ZFYVE9: variants seen among roughly 807,000 people sequenced by gnomAD.
ZFYVE9 encodes the protein zinc finger FYVE-type containing 9.
A neutral mutation model predicts 126.7 loss-of-function variants in ZFYVE9; 43 were observed. The ratio of observed to expected loss-of-function variants is 0.34; its 90% confidence interval spans 0.27 to 0.44. ZFYVE9 has a LOEUF of 0.44. ZFYVE9 is among the 20% of genes least tolerant of loss of function. The probability of loss-of-function intolerance (pLI) is 1.00; values close to 1 mark genes in which losing one functional copy is unlikely to be tolerated. For missense variants in ZFYVE9, 1,476 were observed against 1,697.0 expected (o/e 0.87, Z 2.29); for synonymous variants, 521 against 597.4 (o/e 0.87, Z 1.87).
chr1:52,239,771 A>G (rs1271376918), intron 4 of ZFYVE9, among the ~76,000 whole-genome samples, 176 bp downstream of exon 4: 3 of 152,184 alleles, frequency 2.0e-5, no homozygotes, highest in African/African-American at 7.2e-5. Flanking sequence ...TGATTCTTAG[A>G]TAGTATTTGT....
chr1:52,163,845 A>G (rs1644485153), intron 1 of ZFYVE9, among the ~76,000 whole-genome samples: 1 of 152,202 alleles, frequency 6.6e-6, no homozygotes, highest in Non-Finnish European at 1.5e-5. Context: ...CGATAAGACC[A>G]AGAATCAAGC....
At chr1:52,264,868 C>G (rs1645617299) in intron 5 of ZFYVE9, among the ~76,000 whole-genome samples, 1 of 152,192 alleles carries the variant, frequency 6.6e-6, no homozygotes, top group South Asian at 2.1e-4. Flanking sequence ...ACAATTTTGA[C>G]CAAATATGAA....
At chr1:52,153,978 A>G (rs1644379107) in intron 1 of ZFYVE9, among the ~76,000 whole-genome samples, 1 of 152,186 alleles carries the variant, frequency 6.6e-6, no homozygotes, top group African/African-American at 2.4e-5. Flanking sequence ...GAGCTAGTAC[A>G]TTAGCTGTGC....
intron 4 of ZFYVE9, among the ~76,000 whole-genome samples, chr1:52,251,327 G>A (rs917131520): frequency 2.6e-5 from 4 of 152,040 alleles, no homozygotes; most frequent in Admixed American, 2.6e-4. Context: ...TTGGCTCTGG[G>A]TTTTTAATAT....
In ZFYVE9 at chr1:52,293,438, C is replaced by CTT. The variant is rs1246136778; in HGVS notation, c.3026-10_3026-9dup. On this transcript the variant is annotated splice_polypyrimidine_tract_variant and intron_variant, in intron 10 of 18. Coordinates refer to ENST00000287727, the MANE Select transcript of ZFYVE9 (RefSeq NM_004799.4). ...TTATTGATACAAAGTAGCTAATAAA[C>CTT]TTTTTTGTTTTTAGGGAATGTGGTG... is the stretch of plus-strand genomic sequence containing the variant. 1 of 1,131,266 alleles carries CTT rather than the reference C, an allele frequency of 8.8e-7. No individual in the cohort carries two copies. The highest frequency in any genetic ancestry group is 1.4e-5 in the South Asian group (1 of 72,038). The allele number at this position is 1,131,266 out of a possible 1,614,324, so 70.1% of individuals were successfully genotyped here. A position where few individuals can be genotyped will look rare whatever the true frequency, so the allele number is the denominator to read the frequency against.
intron 4 of ZFYVE9, among the ~76,000 whole-genome samples, chr1:52,263,438 A>C (rs980105203): frequency 6.6e-6 from 1 of 152,152 alleles, no homozygotes; most frequent in Non-Finnish European, 1.5e-5. Context: ...ACATGTAACT[A>C]TCTTTCAACA....
At chr1:52,202,359 A>C (rs1322233371) in intron 1 of ZFYVE9, among the ~76,000 whole-genome samples, 1 of 151,766 alleles carries the variant, frequency 6.6e-6, no homozygotes, top group Non-Finnish European at 1.5e-5. Context: ...GGTTAACCTC[A>C]ACCTCCACCT....
At chr1:52,273,008 TTTTAAC>T (rs1471510047) in intron 7 of ZFYVE9, among the ~76,000 whole-genome samples, 1 of 151,724 alleles carries the variant, frequency 6.6e-6, no homozygotes, top group Non-Finnish European at 1.5e-5. Context: ...ACTGTTTTTC[TTTTAAC>T]TTTTTGTTTT....
chr1:52,175,344 C>G (rs914684289), intron 1 of ZFYVE9, among the ~76,000 whole-genome samples: 5 of 151,448 alleles, frequency 3.3e-5, no homozygotes, highest in African/African-American at 7.3e-5. Flanking sequence ...CTACTCTCTT[C>G]TGGCTCGTAG....
intron 1 of ZFYVE9, chr1:52,160,189 G>T (rs886435654): frequency 2.5e-5 from 17 of 671,880 alleles, no homozygotes; most frequent in Non-Finnish European, 4.4e-5. Context: ...TGAGGTTGGA[G>T]GCGCTTCTCC....
chr1:52,147,950 CTT>C (rs895498156), intron 1 of ZFYVE9, among the ~76,000 whole-genome samples: 2 of 147,442 alleles, frequency 1.4e-5, no homozygotes, highest in Admixed American at 6.8e-5. Flanking sequence ...CGGTTCATAA[CTT>C]TTTTTTTTTC....
chr1:52,238,630 A>G lies in ZFYVE9; in HGVS notation c.1213A>G (p.Thr405Ala). ...TCAGGACATGACTAATTGGAAGTTG[A>G]CTAAACTAAATGAGATGAATGATAG... Reference protein sequence around the residue: ...ESQDMTNWKLTKLNEMNDSQV... With the variant: ...ESQDMTNWKLAKLNEMNDSQV... The change falls in exon 4 of 19, where the codon ACT (threonine) becomes GCT (alanine). Residue 405 changes from threonine to alanine, a missense_variant. Physicochemically the swap from Thr to Ala is moderately conservative, Grantham distance 58. Coordinates refer to ENST00000287727, the MANE Select transcript of ZFYVE9 (RefSeq NM_004799.4). 6.2e-7 allele frequency: 1 copy of G among 1,614,078 alleles called. No individual in the cohort carries two copies. The highest frequency in any genetic ancestry group is 8.5e-7 in the Non-Finnish European group (1 of 1,179,980).
intron 2 of ZFYVE9, among the ~76,000 whole-genome samples, chr1:52,230,428 G>C (rs2124617662): frequency 6.6e-6 from 1 of 151,898 alleles, no homozygotes; most frequent in Non-Finnish European, 1.5e-5. Flanking sequence ...CGGGGGTGGG[G>C]ATCGTACTTA....
At chr1:52,342,108 G>A (rs2820336) in intron 17 of ZFYVE9, among the ~76,000 whole-genome samples, 1 of 152,168 alleles carries the variant, frequency 6.6e-6, no homozygotes, top group African/African-American at 2.4e-5. Context: ...ACTCCCACTC[G>A]GTCATTTCAT....
chr1:52,333,067 G>A, intron 14 of ZFYVE9, 149 bp downstream of exon 14: 1 of 1,139,480 alleles, frequency 8.8e-7, no homozygotes, highest in Non-Finnish European at 1.2e-6. Context: ...TCAGGATTAT[G>A]TTGACTCCCC....
intron 13 of ZFYVE9, among the ~76,000 whole-genome samples, chr1:52,319,310 A>G (rs1646216193): frequency 6.6e-6 from 1 of 152,142 alleles, no homozygotes; most frequent in Non-Finnish European, 1.5e-5. Flanking sequence ...ATCCCAATCA[A>G]AATACGAGTA....
chr1:52,297,720 T>C (rs1003610491), intron 12 of ZFYVE9, among the ~76,000 whole-genome samples: 1 of 144,880 alleles, frequency 6.9e-6, no homozygotes, highest in Non-Finnish European at 1.5e-5. Flanking sequence ...CTTTAAAAAA[T>C]TTTGTTTTGT....
chr1:52,231,572 A>C (rs1645221693), intron 2 of ZFYVE9, among the ~76,000 whole-genome samples: 1 of 152,116 alleles, frequency 6.6e-6, no homozygotes, highest in Non-Finnish European at 1.5e-5. Context: ...AACTTAAGTA[A>C]CCTAATAGGA....
intron 1 of ZFYVE9, among the ~76,000 whole-genome samples, chr1:52,149,239 C>G (rs1644332468): frequency 6.6e-6 from 1 of 151,534 alleles, no homozygotes; most frequent in African/African-American, 2.4e-5. Context: ...ACAATGGTTC[C>G]CTGTAGTATT....
Sources: gnomAD v4.1 joint callset for allele counts (sites outside exome capture counted in the v4.1 genomes callset) on GRCh38, gnomAD v4.1.1 for gene constraint, MANE v1.5 for transcripts, NCBI Gene and HGNC (gene_info 2026-07-23, HGNC 2026-07-21) for gene names.